Variants in TEK observed in about 807,000 individuals in gnomAD.
TEK encodes TEK receptor tyrosine kinase, also known as angiopoietin-1 receptor.
Under a neutral mutation model 131.8 loss-of-function variants are expected in TEK, and 43 were observed. The observed-to-expected ratio is 0.33, with a 90% CI of 0.26 to 0.42. The LOEUF is 0.42. TEK is among the 10% of genes least tolerant of loss of function. The pLI, the probability that TEK is intolerant of heterozygous loss-of-function variation, is 1.00. For missense variants in TEK, 1,162 were observed against 1,384.4 expected, an observed-to-expected ratio of 0.84 and a Z score of 2.55; for synonymous variants, 580 against 491.6, an observed-to-expected ratio of 1.18 and a Z score of -2.38.
At chr9:27,214,023 C>T (rs7025037) in intron 18 of TEK, among the ~76,000 whole-genome samples, 60,457 of 152,144 alleles carry the variant, frequency 0.4, 12,322 homozygotes, top group East Asian at 0.58. Flanking sequence ...GGAGGCTCTA[C>T]AGAGAAATTC....
intron 12 of TEK, among the ~76,000 whole-genome samples, 195 bp from the exon 13 acceptor site, chr9:27,202,625 T>A (rs928662801): frequency 1.3e-5 from 2 of 152,212 alleles, no homozygotes; most frequent in African/African-American, 4.8e-5. Context: ...AGATGATATG[T>A]GTTGCCATTT....
At chr9:27,111,851 G>A (rs1403291749) in intron 1 of TEK, among the ~76,000 whole-genome samples, 3 of 151,006 alleles carry the variant, frequency 2.0e-5, no homozygotes, top group Non-Finnish European at 4.4e-5. Flanking sequence ...GATCTAATAG[G>A]AAGTCTCTAG....
At chr9:27,141,285 T>A (rs1822713615) in intron 1 of TEK, among the ~76,000 whole-genome samples, 1 of 152,152 alleles carries the variant, frequency 6.6e-6, no homozygotes, top group Admixed American at 6.5e-5. Context: ...TCTTCCCTGG[T>A]TATTTTGATG....
chr9:27,192,554 C>G lies in TEK; in HGVS notation c.1555C>G (p.Leu519Val). The G allele has an allele frequency of 6.2e-7, 1 of 1,613,908 alleles. No individual in the cohort carries two copies. The highest frequency in any genetic ancestry group is 8.5e-7 in the Non-Finnish European group (1 of 1,179,892). The part of the protein sequence containing the change: ...PRTEYELCVQ[L>V]VRRGEGGEGH... The stretch of plus-strand genomic sequence containing the variant: ...GACAGAATATGAACTCTGTGTGCAA[C>G]TGGTCCGTCGTGGAGAGGGTGGGGA... The change falls in exon 11 of 23, where the codon CTG becomes GTG. Residue 519 changes from leucine (L) to valine (V), a missense_variant. Leu to Val is a conservative substitution (Grantham distance 32). Around this residue, in one of 6 missense-constraint regions of TEK, gnomAD observed 477 missense variants for 471.0 expected, o/e 1.01. Transcript: ENST00000380036.
At chr9:27,124,987 C>T (rs1821936836) in intron 1 of TEK, among the ~76,000 whole-genome samples, 1 of 152,134 alleles carries the variant, frequency 6.6e-6, no homozygotes, top group Non-Finnish European at 1.5e-5. Context: ...AGTCCCCAGT[C>T]GCTCATTTAT....
At chr9:27,221,296 A>G (rs1826067060) in intron 21 of TEK, among the ~76,000 whole-genome samples, 1 of 152,234 alleles carries the variant, frequency 6.6e-6, no homozygotes, top group African/African-American at 2.4e-5. Flanking sequence ...TAAAACTCCC[A>G]TCTCCATGGG....
chr9:27,205,196 T>G (rs949330747), intron 14 of TEK, 131 bp downstream of exon 14: 2 of 1,165,128 alleles, frequency 1.7e-6, no homozygotes, highest in African/African-American at 3.1e-5. Context: ...CATCTTCTCT[T>G]TGGCTTTCAT....
At chr9:27,136,500 C>A (rs1419693291) in intron 1 of TEK, among the ~76,000 whole-genome samples, 1 of 152,152 alleles carries the variant, frequency 6.6e-6, no homozygotes, top group African/African-American at 2.4e-5. Flanking sequence ...GCAGCTCAGC[C>A]TTCTACCTCA....
At chr9:27,199,534 C>T (rs1228560421) in intron 12 of TEK, among the ~76,000 whole-genome samples, 1 of 152,210 alleles carries the variant, frequency 6.6e-6, no homozygotes, top group Non-Finnish European at 1.5e-5. Context: ...GATAGTGTCA[C>T]ACCTTTTTAC....
At chr9:27,195,157 C>T (rs2131192051) in intron 11 of TEK, among the ~76,000 whole-genome samples, 1 of 152,242 alleles carries the variant, frequency 6.6e-6, no homozygotes, top group South Asian at 2.1e-4. Context: ...TCACCTCTCT[C>T]CATTTGCAAA....
At chr9:27,204,405 T>C (rs1587010233) in intron 13 of TEK, among the ~76,000 whole-genome samples, 1 of 152,160 alleles carries the variant, frequency 6.6e-6, no homozygotes, top group Non-Finnish European at 1.5e-5. Flanking sequence ...CTCTCTCTCT[T>C]CTTCTATTGG....
At chr9:27,211,043 A>T (rs1310128586) in intron 16 of TEK, among the ~76,000 whole-genome samples, 6 of 151,674 alleles carry the variant, frequency 4.0e-5, no homozygotes, top group Admixed American at 2.0e-4. Context: ...AATCGCTTGA[A>T]CCTGGGAGGC....
Position 27,136,089 on chromosome 9 carries a change from T to TA in TEK, c.53-21742_53-21741insA, listed in dbSNP as rs1822421349. On this transcript the variant is annotated intron_variant, in intron 1 of 22. Transcript: ENST00000380036. ...CTGTGAATTCCCAGGGCAGTTATTT[T>TA]TTTTTTTTTTGAGATGGAGTCTCGC... Among the ~76,000 whole-genome samples the TA allele has an allele frequency of 3.4e-5, 5 of 148,780 alleles. 1 individual carries two copies. The highest frequency in any genetic ancestry group is 1.3e-4 in the African/African-American group (5 of 39,292).
At chr9:27,195,343 A>G (rs1033145478) in intron 11 of TEK, among the ~76,000 whole-genome samples, 1 of 152,102 alleles carries the variant, frequency 6.6e-6, no homozygotes, top group African/African-American at 2.4e-5. Context: ...AGTGTTTCTC[A>G]ACCTTTAAAA....
At chr9:27,134,974 C>T (rs2131069338) in intron 1 of TEK, among the ~76,000 whole-genome samples, 1 of 152,270 alleles carries the variant, frequency 6.6e-6, no homozygotes, top group Non-Finnish European at 1.5e-5. Flanking sequence ...GTTATAATCC[C>T]AGCACTTTCG....
intron 1 of TEK, among the ~76,000 whole-genome samples, chr9:27,137,231 T>C (rs1302490080): frequency 1.2e-4 from 18 of 152,194 alleles, no homozygotes; most frequent in Non-Finnish European, 2.2e-4. Context: ...ATCTATCTTT[T>C]GATAAAACTT....
intron 1 of TEK, among the ~76,000 whole-genome samples, chr9:27,124,871 A>C (rs983225164): frequency 3.9e-5 from 6 of 152,192 alleles, no homozygotes; most frequent in African/African-American, 9.6e-5. Flanking sequence ...TATGAGGTCT[A>C]TCCCACCAGA....
intron 1 of TEK, among the ~76,000 whole-genome samples, chr9:27,118,524 C>T (rs1821656889): frequency 6.6e-6 from 1 of 152,248 alleles, no homozygotes; most frequent in East Asian, 1.9e-4. Context: ...GTCCCAGCAA[C>T]CCGGGAGGCT....
rs1182019875 is a variant in TEK at position 27,228,199 on chromosome 9, T to C, written c.3201-7T>C. 1 of 1,610,548 alleles carries C rather than the reference T, an allele frequency of 6.2e-7. No individual in the cohort carries two copies. The highest frequency in any genetic ancestry group is 1.1e-5 in the South Asian group (1 of 91,002). On this transcript the variant is annotated splice_region_variant and splice_polypyrimidine_tract_variant and intron_variant, in intron 21 of 22. Transcript: ENST00000380036. ...AGAATTAACCCTTTAATTCTTTGCT[T>C]TCGAAGGTATGATCTAATGAGACAA...
Sources: gnomAD v4.1 joint callset for allele counts (sites outside exome capture counted in the v4.1 genomes callset) on GRCh38, gnomAD v4.1.1 for gene constraint, gnomAD v4.1.1 regional missense constraint, MANE v1.5 for transcripts, NCBI Gene and HGNC (gene_info 2026-07-23, HGNC 2026-07-21) for gene names.